FRMPD4: variants seen among roughly 807,000 people sequenced by gnomAD.
FRMPD4 encodes the protein FERM and PDZ domain-containing protein 4.
Under a neutral mutation model 94.1 loss-of-function variants are expected in FRMPD4, and 22 were observed. The ratio of observed to expected loss-of-function variants is 0.23; its 90% CI spans 0.17 to 0.33. The LOEUF is 0.33. FRMPD4 is among the 10% of genes least tolerant of loss of function. FRMPD4 has a pLI of 1.00. For missense variants in FRMPD4, 1,111 were observed against 1,339.9 expected (o/e 0.83, Z 2.67); for synonymous variants, 631 against 548.6 (o/e 1.15, Z -2.10).
intron 1 of FRMPD4, among the ~76,000 whole-genome samples, chrX:12,199,767 C>T (rs1284784279): frequency 1.8e-5 from 2 of 111,815 alleles, no homozygotes; most frequent in Non-Finnish European, 3.8e-5. Context: ...GCTCGCTGTG[C>T]AAGGGCCAGA....
intron 1 of FRMPD4, among the ~76,000 whole-genome samples, chrX:12,456,804 T>A (rs934679373): frequency 1.8e-5 from 2 of 113,032 alleles, no homozygotes; most frequent in Non-Finnish European, 3.7e-5. Flanking sequence ...GTTTAATTTA[T>A]GCTTCAGAGT....
chrX:12,625,674 T>C (rs1196032804), intron 4 of FRMPD4, among the ~76,000 whole-genome samples: 1 of 111,614 alleles, frequency 9.0e-6, no homozygotes, highest in Admixed American at 9.5e-5. Context: ...AGTTGATTAA[T>C]GGGTACAAAA....
rs749683243 is a variant in FRMPD4 at position 12,107,261 on chromosome X, C to T, written c.95+229243C>T. On this transcript the variant is annotated intron_variant, in intron 3 of 18. Transcript: ENST00000640291. ...TTCAGCAATATTCACTGTTCTGCAGCCTCCGCTGCTGATACCCAGGCAAAC... is the reference window on the plus strand; with the variant it reads ...TTCAGCAATATTCACTGTTCTGCAGTCTCCGCTGCTGATACCCAGGCAAAC... Among the ~76,000 whole-genome samples the T allele has an allele frequency of 7.8e-4, 87 of 112,144 alleles. 1 individual carries two copies. The South Asian group carries it at 0.018, about 24-fold the overall frequency.
intron 4 of FRMPD4, among the ~76,000 whole-genome samples, chrX:12,644,999 A>G (rs937445988): frequency 7.2e-5 from 8 of 111,659 alleles, no homozygotes; most frequent in African/African-American, 2.6e-4. Flanking sequence ...GCTTAAAAAC[A>G]TATTTAGATG....
chrX:12,414,545 C>T lies in FRMPD4; in HGVS notation c.42-84135C>T, dbSNP rs144224153. On this transcript the variant is annotated intron_variant, in intron 1 of 16. Coordinates refer to ENST00000675598, the MANE Select transcript of FRMPD4 (RefSeq NM_001368397.1). ...TGTGTCAGTATGCAGATGCTTGAGA[C>T]GTATTTTTATATTCTTCTATTACGG... Among the ~76,000 whole-genome samples the T allele has an allele frequency of 3.3e-3, 369 of 111,945 alleles. 3 individuals are homozygous for T. Among genetic ancestry groups the T allele is most frequent in the African/African-American group, 0.012 (355 of 30,839 alleles).
intron 2 of FRMPD4, among the ~76,000 whole-genome samples, chrX:12,502,844 C>T (rs111616967): frequency 4.2e-4 from 47 of 112,198 alleles, no homozygotes; most frequent in Middle Eastern, 4.6e-3. Context: ...AGATGAGTGA[C>T]TATACAGTCA....
intron 3 of FRMPD4, among the ~76,000 whole-genome samples, chrX:12,014,095 A>T (rs142238760): frequency 1.4e-3 from 153 of 111,760 alleles, no homozygotes; most frequent in Non-Finnish European, 2.6e-3. Flanking sequence ...ATGAATGGAG[A>T]GGAGTCATCT....
chrX:12,095,631 T>C (rs764362371), intron 3 of FRMPD4, among the ~76,000 whole-genome samples: 1 of 110,891 alleles, frequency 9.0e-6, no homozygotes, highest in South Asian at 3.9e-4. Flanking sequence ...AGCAAAAAGG[T>C]CATCAGTTTG....
intron 2 of FRMPD4, among the ~76,000 whole-genome samples, chrX:11,865,842 C>G (rs2147301131): frequency 8.9e-6 from 1 of 112,049 alleles, no homozygotes; most frequent in South Asian, 3.7e-4. Flanking sequence ...TCATACAAGT[C>G]TTTGACATGT....
At chrX:11,917,600 A>G (rs1161995850) in intron 3 of FRMPD4, among the ~76,000 whole-genome samples, 2 of 112,265 alleles carry the variant, frequency 1.8e-5, no homozygotes. Context: ...CAACATGGAT[A>G]CAGCTGGAGG....
At chrX:12,081,839 A>G (rs1467635990) in intron 3 of FRMPD4, among the ~76,000 whole-genome samples, 1 of 111,663 alleles carries the variant, frequency 9.0e-6, no homozygotes, top group Non-Finnish European at 1.9e-5. Context: ...GAAATTTATG[A>G]TGTGAGGAGT....
intron 1 of FRMPD4, among the ~76,000 whole-genome samples, chrX:12,144,421 TA>T (rs2055734333): frequency 1.0e-5 from 1 of 99,934 alleles, no homozygotes; most frequent in African/African-American, 4.1e-5. Flanking sequence ...TAGTTTTAGA[TA>T]ACAAAGTTAA....
In FRMPD4 at chrX:11,994,890, A is replaced by G. The variant is rs142653405; in HGVS notation, c.95+116872A>G. On this transcript the variant is annotated intron_variant, in intron 3 of 18. Transcript: ENST00000640291. ...TGTAAGAATTGATGCTTAGTCTTTC[A>G]TTCCAGCTCTGCTTCCATGTTTTTC... Among the ~76,000 whole-genome samples, 222 of 111,531 alleles carry G rather than the reference A, an allele frequency of 2.0e-3. 4 individuals carry two copies. The highest frequency in any genetic ancestry group is 4.8e-3 in the East Asian group (17 of 3,532).
chrX:11,846,418 G>A (rs1187902737), intron 1 of FRMPD4, among the ~76,000 whole-genome samples: 3 of 111,050 alleles, frequency 2.7e-5, no homozygotes, highest in African/African-American at 9.9e-5. Context: ...ATGCCCATGG[G>A]TAGGAAGAAT....
intron 5 of FRMPD4, among the ~76,000 whole-genome samples, chrX:12,680,496 A>AT (rs1358962709): frequency 8.9e-6 from 1 of 112,361 alleles, no homozygotes; most frequent in Admixed American, 9.4e-5. Flanking sequence ...TATTTTGTTG[A>AT]TTCTCATTAA....
chrX:12,705,648 G>T (rs1036013595), intron 11 of FRMPD4, among the ~76,000 whole-genome samples: 3 of 110,753 alleles, frequency 2.7e-5, no homozygotes, highest in Non-Finnish European at 3.8e-5. Context: ...CAGAGATGTA[G>T]CAAGATGATG....
At chrX:12,412,418 G>T (rs2148068717) in intron 1 of FRMPD4, among the ~76,000 whole-genome samples, 1 of 112,386 alleles carries the variant, frequency 8.9e-6, no homozygotes, top group South Asian at 3.7e-4. Context: ...AGCCAATGAG[G>T]AATTTCATAA....
chrX:12,084,496 T>C (rs1877028734), intron 3 of FRMPD4, among the ~76,000 whole-genome samples: 1 of 111,806 alleles, frequency 8.9e-6, no homozygotes, highest in Non-Finnish European at 1.9e-5. Context: ...ATTCAAATAA[T>C]TTGGGTGCTC....
rs760419196 is a variant in FRMPD4, at chrX:12,718,516, C to G, written c.3690C>G (p.Ala1230=). 5 of 1,201,888 alleles carry G rather than the reference C, an allele frequency of 4.2e-6. No individual in the cohort carries two copies. The highest frequency in any genetic ancestry group is 2.3e-4 in the Middle Eastern group (1 of 4,322). ...AGCGTGSSGS[A]CATPVESPLC... ...GTGGCACAGGCAGCAGTGGCAGTGC[C>G]TGTGCCACACCCGTGGAGTCGCCGC... The change falls in exon 16 of 17, where the codon GCC becomes GCG. Residue 1230 remains alanine (A), a synonymous_variant. Transcript: ENST00000675598.
Sources: allele counts gnomAD v4.1 joint callset (sites outside exome capture counted in the v4.1 genomes callset), GRCh38; gene constraint gnomAD v4.1.1; transcripts MANE v1.5; gene names NCBI Gene and HGNC (gene_info 2026-07-23, HGNC 2026-07-21).